Variants in PLCH1 observed in about 807,000 individuals in gnomAD.
PLCH1 encodes 1-phosphatidylinositol 4,5-bisphosphate phosphodiesterase eta-1.
Under a neutral mutation model 126.7 loss-of-function variants are expected in PLCH1, and 60 were observed. That is an observed-to-expected ratio of 0.47 (90% CI 0.38 to 0.59). The LOEUF (loss-of-function observed/expected upper bound fraction) is 0.59. Ranked by LOEUF, PLCH1 falls within the 20% of genes least tolerant of loss-of-function variation. PLCH1 has a pLI of 0.00. For missense variants in PLCH1, 1,723 were observed against 2,040.0 expected, an observed-to-expected ratio of 0.84 and a Z score of 2.99; for synonymous variants, 719 against 734.9, an observed-to-expected ratio of 0.98 and a Z score of 0.35.
intron 19 of PLCH1, 53 bp from the exon 20 acceptor site, chr3:155,488,859 T>C (rs779349480): frequency 5.3e-6 from 8 of 1,518,048 alleles, no homozygotes; most frequent in Non-Finnish European, 7.2e-6. Flanking sequence ...TGGCTGAAAA[T>C]GAGTTGGCAG....
chr3:155,679,633 A>T (rs1394473965), intron 2 of PLCH1, among the ~76,000 whole-genome samples: 2 of 152,222 alleles, frequency 1.3e-5, no homozygotes, highest in African/African-American at 4.8e-5. Context: ...GAGTGAAAAC[A>T]TGGTGCATAT....
Position 155,485,358 on chromosome 3 carries a change from A to G in PLCH1, c.2972T>C (p.Leu991Pro), listed in dbSNP as rs1714884960. The G allele has an allele frequency of 6.3e-7, 1 of 1,591,602 alleles. No individual in the cohort carries two copies. The highest frequency in any genetic ancestry group is 8.6e-7 in the Non-Finnish European group (1 of 1,161,118). ...CAGAGAAACTTAAAGCATCTTACCT[A>G]GAGAGTTTTCTTTTCCTTCAATGTC... is the stretch of plus-strand genomic sequence containing the variant. Reference protein sequence around the residue: ...AKDIEGKENSLAEDKDGRRKG... With the variant: ...AKDIEGKENSPAEDKDGRRKG... Residue 991 changes from leucine (L) to proline (P), a missense_variant and splice_region_variant, in exon 22 of 23, where the codon CTA becomes CCA. Physicochemically the swap from Leu to Pro is moderately conservative, Grantham distance 98. This residue lies in a region of PLCH1 where 947 missense variants were observed against 977.1 expected (regional missense o/e 0.97). Coordinates refer to ENST00000460012, the MANE Select transcript of PLCH1 (RefSeq NM_014996.4).
At chr3:155,598,140 C>T (rs1286445061) in intron 2 of PLCH1, among the ~76,000 whole-genome samples, 3 of 151,802 alleles carry the variant, frequency 2.0e-5, no homozygotes, top group African/African-American at 4.8e-5. Flanking sequence ...GGTGAGATCA[C>T]GCCATTGCAC....
At chr3:155,620,459 GA>G (rs1736326371) in intron 2 of PLCH1, among the ~76,000 whole-genome samples, 1 of 152,118 alleles carries the variant, frequency 6.6e-6, no homozygotes, top group Non-Finnish European at 1.5e-5. Context: ...CAAGGAACAG[GA>G]AAAAATGTCA....
intron 1 of PLCH1, among the ~76,000 whole-genome samples, chr3:155,712,273 T>C (rs961749791): frequency 1.3e-5 from 2 of 152,246 alleles, no homozygotes; most frequent in African/African-American, 4.8e-5. Flanking sequence ...ATTTTCTTTC[T>C]TGGGCTTTCC....
At chr3:155,692,079 C>T (rs1364101617) in intron 2 of PLCH1, among the ~76,000 whole-genome samples, 1 of 151,114 alleles carries the variant, frequency 6.6e-6, no homozygotes, top group Non-Finnish European at 1.5e-5. Flanking sequence ...ATCATGATAT[C>T]ATGTATCAAT....
chr3:155,588,419 C>A (rs533668179), intron 4 of PLCH1, among the ~76,000 whole-genome samples: 2 of 152,230 alleles, frequency 1.3e-5, no homozygotes, highest in East Asian at 1.9e-4. Context: ...CACGCAGCAC[C>A]CACTTCGGGC....
At chr3:155,452,284 T>C (rs1346868867) in intron 21 of PLCH1, among the ~76,000 whole-genome samples, 1 of 152,112 alleles carries the variant, frequency 6.6e-6, no homozygotes, top group African/African-American at 2.4e-5. Context: ...TTCACTACCA[T>C]GAGAACAGTA....
In PLCH1 at chr3:155,599,603, T is replaced by A. The variant is rs184906273; in HGVS notation, c.80-3225A>T. 2.6e-5 allele frequency among the ~76,000 whole-genome samples: 4 copies of A among 152,312 alleles called. No individual in the cohort carries two copies. The East Asian group carries it at 7.7e-4, about 29-fold the overall frequency. On this transcript the variant is annotated intron_variant, in intron 2 of 22. Coordinates refer to ENST00000460012, the MANE Select transcript of PLCH1 (RefSeq NM_014996.4). ...GGCTAAAAAATATAATTTAGGAAGA[T>A]GTTTCCTTGAGAAGAGAGAATAAAA...
At chr3:155,546,672 T>A (rs1250276877) in intron 10 of PLCH1, among the ~76,000 whole-genome samples, 1 of 151,718 alleles carries the variant, frequency 6.6e-6, no homozygotes, top group Non-Finnish European at 1.5e-5. Flanking sequence ...AACAGCATGG[T>A]ACTGGTACCA....
intron 2 of PLCH1, among the ~76,000 whole-genome samples, chr3:155,652,793 C>T (rs1054048745): frequency 3.3e-5 from 5 of 152,150 alleles, no homozygotes; most frequent in Admixed American, 1.3e-4. Context: ...TCACCCTCAT[C>T]CGCTGATGAT....
chr3:155,670,318 C>CTTG (rs1743279842), intron 2 of PLCH1, among the ~76,000 whole-genome samples: 1 of 151,976 alleles, frequency 6.6e-6, no homozygotes, highest in African/African-American at 2.4e-5. Context: ...CCTCAGAGCC[C>CTTG]TGCTTGTATA....
At chr3:155,598,426 A>T (rs1577103023) in intron 2 of PLCH1, among the ~76,000 whole-genome samples, 1 of 152,302 alleles carries the variant, frequency 6.6e-6, no homozygotes, top group Non-Finnish European at 1.5e-5. Context: ...AAATTCCCAG[A>T]AAAGCCTATT....
intron 15 of PLCH1, among the ~76,000 whole-genome samples, chr3:155,496,071 T>C (rs939884119): frequency 6.6e-6 from 1 of 152,200 alleles, no homozygotes; most frequent in African/African-American, 2.4e-5. Flanking sequence ...CCTTGCTAAT[T>C]AGGCACATAT....
At chr3:155,670,912 T>C (rs768991225) in intron 2 of PLCH1, among the ~76,000 whole-genome samples, 2 of 152,114 alleles carry the variant, frequency 1.3e-5, no homozygotes, top group African/African-American at 2.4e-5. Flanking sequence ...AAGTATATAT[T>C]TGCAGGCCCA....
intron 1 of PLCH1, among the ~76,000 whole-genome samples, chr3:155,712,493 C>T (rs1283530981): frequency 1.3e-5 from 2 of 151,684 alleles, no homozygotes; most frequent in African/African-American, 4.9e-5. Context: ...ACTTGAATGG[C>T]TTAAAAGACA....
chr3:155,639,382 G>A (rs531125420), intron 2 of PLCH1, among the ~76,000 whole-genome samples: 1 of 152,246 alleles, frequency 6.6e-6, no homozygotes, highest in Non-Finnish European at 1.5e-5. Flanking sequence ...GATCACTTGA[G>A]CCCAGGAGGT....
chr3:155,475,692 C>T (rs879298987), downstream of PLCH1, among the ~76,000 whole-genome samples: 1 of 152,040 alleles, frequency 6.6e-6, no homozygotes, highest in Admixed American at 6.6e-5. Flanking sequence ...CAACTACATG[C>T]CAATAAATTG....
chr3:155,576,601 A>G (rs1344755717), intron 6 of PLCH1, among the ~76,000 whole-genome samples: 2 of 152,210 alleles, frequency 1.3e-5, no homozygotes, highest in Non-Finnish European at 1.5e-5. Context: ...TCATTTCACA[A>G]CTGAGTAAAC....
Sources: allele counts gnomAD v4.1 joint callset (sites outside exome capture counted in the v4.1 genomes callset), GRCh38; gene constraint gnomAD v4.1.1; regional missense constraint gnomAD v4.1.1; transcripts MANE v1.5; gene names NCBI Gene and HGNC (gene_info 2026-07-23, HGNC 2026-07-21).